The following COPE variants were observed in gnomAD, a reference collection of about 807,000 sequenced individuals.
COPE encodes coatomer subunit epsilon.
A neutral mutation model predicts 42.1 loss-of-function variants in COPE; 19 were observed. That is an observed-to-expected ratio of 0.45 (90% CI 0.31 to 0.66). The LOEUF (loss-of-function observed/expected upper bound fraction) is 0.66. COPE is among the 30% of genes least tolerant of loss of function. The probability of loss-of-function intolerance (pLI) is 0.05; values close to 1 mark genes in which losing one functional copy is unlikely to be tolerated. For missense variants in COPE, 402 were observed against 416.1 expected (o/e 0.97, Z 0.30); for synonymous variants, 195 against 181.3 (o/e 1.08, Z -0.60).
At chr19:18,911,718 A>AT (rs1159823319) in intron 2 of COPE, among the ~76,000 whole-genome samples, 4 of 150,116 alleles carry the variant, frequency 2.7e-5, no homozygotes, top group Non-Finnish European at 5.9e-5. Context: ...CGCCCGGCTA[A>AT]TTTTTTTGTA....
intron 9 of COPE, 70 bp downstream of exon 9, chr19:18,899,803 T>A: frequency 6.2e-7 from 1 of 1,608,316 alleles, no homozygotes; most frequent in Non-Finnish European, 8.5e-7. Context: ...AGAGGGCGCA[T>A]GTGAGCCCAG....
intron 4 of COPE, 146 bp downstream of exon 4, chr19:18,906,814 G>A (rs1056537672): frequency 1.0e-6 from 1 of 952,646 alleles, no homozygotes; most frequent in Non-Finnish European, 1.5e-6. Context: ...AGGGGAGCTG[G>A]AGCCTGGACA....
At chr19:18,904,890 G>A (rs553840810) in intron 5 of COPE, 38 bp from the exon 6 acceptor site, 44 of 1,537,748 alleles carry the variant, frequency 2.9e-5, no homozygotes, top group Middle Eastern at 1.7e-4. Flanking sequence ...CTGAGTGGCC[G>A]AGGGCCCTGG....
chr19:18,905,965 C>T, intron 4 of COPE: 1 of 475,780 alleles, frequency 2.1e-6, no homozygotes, highest in Non-Finnish European at 3.7e-6. Flanking sequence ...GGAACAAGGC[C>T]CTAGAGGAGG....
intron 3 of COPE, among the ~76,000 whole-genome samples, chr19:18,908,131 G>C (rs919153560): frequency 2.0e-5 from 3 of 152,136 alleles, no homozygotes; most frequent in African/African-American, 7.2e-5. Context: ...TCATCCTAAG[G>C]TGTTACAATT....
At chr19:18,901,478 G>A (rs1163963830) in intron 7 of COPE, among the ~76,000 whole-genome samples, 1 of 152,214 alleles carries the variant, frequency 6.6e-6, no homozygotes, top group East Asian at 1.9e-4. Context: ...CAGAGCTAAA[G>A]ATGGACCCTG....
chr19:18,912,322 T>A (rs2056817978), intron 2 of COPE, among the ~76,000 whole-genome samples: 1 of 151,412 alleles, frequency 6.6e-6, no homozygotes, highest in Admixed American at 6.6e-5. Flanking sequence ...TATTTTTTAA[T>A]TTTTTTTTGT....
intron 4 of COPE, 140 bp downstream of exon 4, chr19:18,906,819 TG>T: frequency 9.8e-7 from 1 of 1,018,196 alleles, no homozygotes; most frequent in Non-Finnish European, 1.4e-6. Flanking sequence ...AGCTGGAGCC[TG>T]GACAGCAGGC....
intron 6 of COPE, 150 bp from the exon 7 acceptor site, chr19:18,903,573 T>C: frequency 4.3e-6 from 4 of 923,248 alleles, no homozygotes; most frequent in Non-Finnish European, 6.2e-6. Context: ...CCATGGGGAC[T>C]ACCCGTAACT....
intron 2 of COPE, chr19:18,911,360 G>A (rs1428211815): frequency 4.7e-6 from 2 of 429,512 alleles, no homozygotes; most frequent in Non-Finnish European, 8.7e-6. Context: ...GTGGTGAGGT[G>A]AAGGGCGTGT....
At chr19:18,902,770 AAAG>A (rs2056717106) in intron 7 of COPE, among the ~76,000 whole-genome samples, 8 of 39,310 alleles carry the variant, frequency 2.0e-4, no homozygotes, top group African/African-American at 1.6e-3. Flanking sequence ...GAAGGAAGGG[AAAG>A]AAGGAAGGAA....
intron 4 of COPE, chr19:18,905,977 C>T: frequency 4.4e-6 from 2 of 454,442 alleles, no homozygotes; most frequent in Non-Finnish European, 7.7e-6. Flanking sequence ...TAGAGGAGGG[C>T]CACGCACCCG....
chr19:18,902,967 T>A (rs2056723089), intron 7 of COPE, among the ~76,000 whole-genome samples: 1 of 151,586 alleles, frequency 6.6e-6, no homozygotes, highest in Non-Finnish European at 1.5e-5. Context: ...GAGTATGTAC[T>A]CAGGTGAGGG....
intron 3 of COPE, among the ~76,000 whole-genome samples, chr19:18,908,711 G>A (rs1182015440): frequency 6.6e-6 from 1 of 151,692 alleles, no homozygotes; most frequent in Non-Finnish European, 1.5e-5. Context: ...GTAGAGATGG[G>A]GTTTCACGTG....
chr19:18,906,688 G>A (rs988825795), intron 4 of COPE: 5 of 357,408 alleles, frequency 1.4e-5, no homozygotes, highest in East Asian at 4.9e-5. Context: ...CACAGAAACC[G>A]AGCAGAGACA....
intron 1 of COPE, among the ~76,000 whole-genome samples, chr19:18,918,847 G>A (rs1042127154): frequency 6.6e-6 from 1 of 152,184 alleles, no homozygotes; most frequent in Admixed American, 6.5e-5. Flanking sequence ...TGGTTGGGCA[G>A]GGAAACGTCC....
At chr19:18,902,369 T>C (rs1172242827) in intron 7 of COPE, among the ~76,000 whole-genome samples, 1 of 149,368 alleles carries the variant, frequency 6.7e-6, no homozygotes, top group East Asian at 2.0e-4. Flanking sequence ...AAACTCTTCA[T>C]AAAGACTGCA....
At chr19:18,915,526 T>C (rs982498386) in intron 1 of COPE, among the ~76,000 whole-genome samples, 4 of 152,116 alleles carry the variant, frequency 2.6e-5, no homozygotes, top group Admixed American at 6.5e-5. Flanking sequence ...TGGGAGAGCA[T>C]TGCTCTTCAA....
At chr19:18,901,195 G>A (rs946953690) in intron 7 of COPE, among the ~76,000 whole-genome samples, 2 of 152,260 alleles carry the variant, frequency 1.3e-5, no homozygotes, top group African/African-American at 4.8e-5. Context: ...GGGCCAAGGG[G>A]CACGGCCAGC....
Sources: allele counts gnomAD v4.1 joint callset (sites outside exome capture counted in the v4.1 genomes callset), GRCh38; gene constraint gnomAD v4.1.1; transcripts MANE v1.5; gene names NCBI Gene and HGNC (gene_info 2026-07-23, HGNC 2026-07-21).